The following ST14 variants were observed in gnomAD, a reference collection of about 807,000 sequenced individuals.
ST14 encodes suppressor of tumorigenicity 14 protein.
In ST14, 40 loss-of-function variants were observed where a neutral mutation model predicts 96.5. The ratio of observed to expected loss-of-function variants is 0.41; its 90% CI spans 0.32 to 0.54. The LOEUF (loss-of-function observed/expected upper bound fraction) is 0.54. ST14 is among the 20% of genes least tolerant of loss of function. ST14 has a pLI of 0.17. For synonymous variants in ST14, 506 were observed against 492.1 expected (o/e 1.03, Z -0.37); for missense variants, 1,066 against 1,188.9 (o/e 0.90, Z 1.52).
chr11:130,184,229 T>C (rs1953218321), intron 1 of ST14, among the ~76,000 whole-genome samples: 1 of 152,206 alleles, frequency 6.6e-6, no homozygotes, highest in African/African-American at 2.4e-5. Flanking sequence ...TGCCCAAAAT[T>C]GTACACTTAA....
chr11:130,162,219 C>A (rs956255184), intron 1 of ST14, among the ~76,000 whole-genome samples: 2 of 152,168 alleles, frequency 1.3e-5, no homozygotes, highest in African/African-American at 4.8e-5. Flanking sequence ...GGCCCCTGCC[C>A]CACCCCTGCT....
intron 1 of ST14, among the ~76,000 whole-genome samples, chr11:130,179,933 C>T (rs1267772944): frequency 2.0e-5 from 3 of 152,174 alleles, no homozygotes; most frequent in African/African-American, 7.2e-5. Flanking sequence ...GCATCTTCGA[C>T]CTGCCACAGA....
chr11:130,160,677 G>C (rs528342832), intron 1 of ST14, among the ~76,000 whole-genome samples: 1 of 152,320 alleles, frequency 6.6e-6, no homozygotes, highest in African/African-American at 2.4e-5. Flanking sequence ...CATGTCTTGA[G>C]CCTTTTGCGA....
In ST14 at chr11:130,188,017, C is replaced by G; in HGVS notation, c.82-97C>G. On this transcript the variant is annotated intron_variant, in intron 1 of 18. Coordinates refer to ENST00000278742, the MANE Select transcript of ST14 (RefSeq NM_021978.4). The surrounding 1 kb of genome is among the most constrained non-coding windows in gnomAD (Gnocchi z 5.4). ...CTCACCCAAGCCCCTGCTTTCTTCT[C>G]CAAGCTGGACCTCACAAAATGTGAA... The G allele has an allele frequency of 6.5e-7, 1 of 1,528,380 alleles. No individual in the cohort carries two copies. Among genetic ancestry groups the G allele is most frequent in the African/African-American group, 1.4e-5 (1 of 72,744 alleles). The allele number at this position is 1,528,380 out of a possible 1,614,324, so 94.7% of individuals were successfully genotyped here.
intron 1 of ST14, among the ~76,000 whole-genome samples, chr11:130,176,390 T>C (rs1055926158): frequency 6.6e-6 from 1 of 151,626 alleles, no homozygotes; most frequent in Non-Finnish European, 1.5e-5. Flanking sequence ...TTTCTTTTTC[T>C]TTTCTTTTTC....
rs116020540 is a variant in ST14 at position 130,181,365 on chromosome 11, G to A, written c.82-6749G>A. On this transcript the variant is annotated intron_variant, in intron 1 of 18. Coordinates refer to ENST00000278742, the MANE Select transcript of ST14 (RefSeq NM_021978.4). The surrounding 1 kb of genome is among the most constrained non-coding windows in gnomAD (Gnocchi z 4.1). Reference sequence around the variant, plus strand: ...GCCTGGAGCCGAGCTGTGTTTCTGGGTCCTTTGGCCAGGATCTAACTACAG... The same window carrying A: ...GCCTGGAGCCGAGCTGTGTTTCTGGATCCTTTGGCCAGGATCTAACTACAG... Among the ~76,000 whole-genome samples the A allele has an allele frequency of 4.8e-3, 737 of 152,276 alleles. 8 individuals are homozygous for A. Among genetic ancestry groups the A allele is most frequent in the Middle Eastern group, 0.02 (6 of 294 alleles).
intron 16 of ST14, among the ~76,000 whole-genome samples, chr11:130,207,118 C>A (rs1953497764): frequency 6.6e-6 from 1 of 152,114 alleles, no homozygotes; most frequent in African/African-American, 2.4e-5. Flanking sequence ...TTCCAGGTTG[C>A]TTTATGCTTC....
In ST14 at chr11:130,190,765, A is replaced by G. The variant is rs1480089258; in HGVS notation, c.875+71A>G. 3 of 1,488,296 alleles carry G rather than the reference A, an allele frequency of 2.0e-6. No homozygotes were observed. In the Admixed American group the frequency reaches 6.6e-5, roughly 33 times the overall value. 92.2% of individuals were successfully genotyped at this position (1,488,296 alleles called of 1,614,324 possible). On this transcript the variant is annotated intron_variant, in intron 7 of 18. Transcript: ENST00000278742. ...GCCCTGTAGGGGGCCAGCTTCTTCA[A>G]CGATTGGGATACAGTTTATGACTCT...
intron 1 of ST14, among the ~76,000 whole-genome samples, chr11:130,160,762 A>G (rs1435988018): frequency 2.6e-5 from 4 of 152,158 alleles, no homozygotes; most frequent in African/African-American, 9.7e-5. Flanking sequence ...AAAAGATTAC[A>G]TGTTCCTGTA....
intron 1 of ST14, among the ~76,000 whole-genome samples, chr11:130,179,145 C>T (rs1241875442): frequency 6.6e-6 from 1 of 152,128 alleles, no homozygotes; most frequent in African/African-American, 2.4e-5. Context: ...TTTCAGGTTC[C>T]CAAGAATGAC....
chr11:130,160,113 C>A, intron 1 of ST14, 53 bp downstream of exon 1: 3 of 1,264,242 alleles, frequency 2.4e-6, no homozygotes, highest in Non-Finnish European at 2.1e-6. Flanking sequence ...CCGCCCGACC[C>A]TGCAGCGCGG....
Position 130,190,548 on chromosome 11 carries a change from C to A in ST14, c.729C>A (p.Arg243=). 1.2e-6 allele frequency: 2 copies of A among 1,612,136 alleles called. No homozygotes were observed. The highest frequency in any genetic ancestry group is 1.7e-6 in the Non-Finnish European group (2 of 1,179,838). Residue 243 remains arginine, a synonymous_variant, in exon 7 of 19, where the codon CGC becomes CGA. Coordinates refer to ENST00000278742, the MANE Select transcript of ST14 (RefSeq NM_021978.4). ...FPDSPYPAHA[R]CQWALRGDAD... ...ACAGCCCCTACCCCGCTCATGCCCGCTGCCAGTGGGCCCTGCGGGGGGACG... is the reference window on the plus strand; with the variant it reads ...ACAGCCCCTACCCCGCTCATGCCCGATGCCAGTGGGCCCTGCGGGGGGACG...
intron 17 of ST14, 76 bp downstream of exon 17, chr11:130,208,760 C>T (rs910302505): frequency 2.6e-6 from 4 of 1,511,678 alleles, no homozygotes; most frequent in Non-Finnish European, 3.6e-6. Flanking sequence ...TCTGCGTGTC[C>T]GGTCTCGGGG....
At chr11:130,180,733 T>C (rs1189859204) in intron 1 of ST14, among the ~76,000 whole-genome samples, 1 of 152,250 alleles carries the variant, frequency 6.6e-6, no homozygotes, top group Non-Finnish European at 1.5e-5. Flanking sequence ...TCAGCCCTGG[T>C]GAGTTTCTCT....
At chr11:130,208,749 C>T in intron 17 of ST14, 65 bp downstream of exon 17, 3 of 1,542,744 alleles carry the variant, frequency 1.9e-6, no homozygotes, top group Non-Finnish European at 2.6e-6. Flanking sequence ...GCCGTGTTTC[C>T]TCTGCGTGTC....
At chr11:130,199,880 C>T in intron 15 of ST14, 71 bp from the exon 16 acceptor site, 1 of 1,594,064 alleles carries the variant, frequency 6.3e-7, no homozygotes, top group African/African-American at 1.3e-5. Flanking sequence ...CTGGCACACA[C>T]TGCATGTCCC....
Position 130,189,674 on chromosome 11 carries a change from G to A in ST14, c.441-65G>A, listed in dbSNP as rs180802472. 4.6e-5 allele frequency: 73 copies of A among 1,595,228 alleles called. No individual in the cohort carries two copies. In the African/African-American group the frequency reaches 7.6e-4, roughly 17 times the overall value. On this transcript the variant is annotated intron_variant, in intron 4 of 18. Coordinates refer to ENST00000278742, the MANE Select transcript of ST14 (RefSeq NM_021978.4). Reference sequence around the variant, plus strand: ...CGAGCCGCCCATGTGTCCTGGAGTCGCTCTGGGCGCACGTGGGGGAAATGG... The same window carrying A: ...CGAGCCGCCCATGTGTCCTGGAGTCACTCTGGGCGCACGTGGGGGAAATGG...
chr11:130,178,573 C>T lies in ST14; in HGVS notation c.82-9541C>T, dbSNP rs192278426. Among the ~76,000 whole-genome samples the T allele has an allele frequency of 1.3e-3, 200 of 152,286 alleles. 2 individuals are homozygous for T. Among genetic ancestry groups the T allele is most frequent in the African/African-American group, 4.4e-3 (181 of 41,554 alleles). On this transcript the variant is annotated intron_variant, in intron 1 of 18. Transcript: ENST00000278742. ...AACCGCTGGGTTTCTGTGTTGACAACGTCCTCACAGCTGGGCTGAGTCAGG... is the reference window on the plus strand; with the variant it reads ...AACCGCTGGGTTTCTGTGTTGACAATGTCCTCACAGCTGGGCTGAGTCAGG...
chr11:130,168,324 G>A (rs1054420937), intron 1 of ST14, among the ~76,000 whole-genome samples: 1 of 152,178 alleles, frequency 6.6e-6, no homozygotes, highest in African/African-American at 2.4e-5. Context: ...AGATGACTAA[G>A]GGTGAGATGG....
Sources: allele counts gnomAD v4.1 joint callset (sites outside exome capture counted in the v4.1 genomes callset), GRCh38; gene constraint gnomAD v4.1.1; non-coding constraint Gnocchi (gnomAD v3.1); transcripts MANE v1.5; gene names NCBI Gene and HGNC (gene_info 2026-07-23, HGNC 2026-07-21).